FOCAD: variants seen among roughly 807,000 people sequenced by gnomAD.
The protein encoded by FOCAD is focadhesin.
FOCAD carries 198 observed loss-of-function variants against 225.6 expected under a neutral mutation model. The ratio of observed to expected loss-of-function variants is 0.88; its 90% CI spans 0.78 to 0.99. The LOEUF (loss-of-function observed/expected upper bound fraction) is 0.99, where lower values mean the gene tolerates loss of function less well. FOCAD is among the 50% of genes least tolerant of loss of function. FOCAD has a pLI of 0.00. For synonymous variants in FOCAD, 897 were observed against 755.0 expected, an observed-to-expected ratio of 1.19 and a Z score of -3.08; for missense variants, 2,713 against 2,123.6, an observed-to-expected ratio of 1.28 and a Z score of -5.46.
chr9:20,815,123 G>GGTTT lies in FOCAD; in HGVS notation c.1456-4673_1456-4672insGTTT, dbSNP rs796702774. 1.4e-3 allele frequency among the ~76,000 whole-genome samples: 116 copies of GGTTT among 85,366 alleles called. 13 individuals carry two copies. The highest frequency in any genetic ancestry group is 1.8e-3 in the African/African-American group (39 of 21,474). The allele number at this position is 85,366 out of a possible 152,430, so 56.0% of individuals were successfully genotyped here. A position where few individuals can be genotyped will look rare whatever the true frequency, so the allele number is the denominator to read the frequency against. On this transcript the variant is annotated intron_variant, in intron 11 of 43. Transcript: ENST00000338382. ...TCTGGAAATATCATTACTTCTCTTT[G>GGTTT]TTTTTTTTTTTTTGTTTTTTTTTTT...
At chr9:20,820,843 A>G (rs768423545) in intron 13 of FOCAD, 98 bp from the exon 14 acceptor site, 27 of 1,337,208 alleles carry the variant, frequency 2.0e-5, no homozygotes, top group African/African-American at 2.9e-5. Flanking sequence ...TTGCAATGCA[A>G]ATGGAGGATT....
chr9:20,720,611 T>C, intron 4 of FOCAD, 77 bp downstream of exon 4: 1 of 1,398,042 alleles, frequency 7.2e-7, no homozygotes. Context: ...CTATTAAGAG[T>C]CAGCATTCAT....
rs184093356 is a variant in FOCAD at position 20,764,563 on chromosome 9, T to A, written c.495-306T>A. 1.3e-5 allele frequency among the ~76,000 whole-genome samples: 2 copies of A among 152,280 alleles called. 1 individual carries two copies. The highest frequency in any genetic ancestry group is 3.9e-4 in the East Asian group (2 of 5,176). ...AGCCTCCGTGCCCAGCCCAGATGATTCTTGTGTTCACTAAACACTGATTTC... is the reference window on the plus strand; with the variant it reads ...AGCCTCCGTGCCCAGCCCAGATGATACTTGTGTTCACTAAACACTGATTTC... On this transcript the variant is annotated intron_variant, in intron 6 of 43. Coordinates refer to ENST00000338382, the MANE Select transcript of FOCAD (RefSeq NM_001375567.1).
intron 11 of FOCAD, among the ~76,000 whole-genome samples, chr9:20,800,052 A>G (rs908244308): frequency 2.6e-5 from 4 of 152,122 alleles, no homozygotes; most frequent in South Asian, 2.1e-4. Context: ...GGTGGTGACA[A>G]AATCTCTCAG....
At chr9:20,859,849 G>A (rs992271993) in intron 15 of FOCAD, among the ~76,000 whole-genome samples, 3 of 151,772 alleles carry the variant, frequency 2.0e-5, no homozygotes, top group Admixed American at 6.6e-5. Flanking sequence ...GGAAATGCCT[G>A]GAATAGGCAA....
intron 39 of FOCAD, among the ~76,000 whole-genome samples, chr9:20,983,656 A>G (rs949077635): frequency 7.9e-5 from 12 of 152,098 alleles, no homozygotes; most frequent in African/African-American, 2.9e-4. Flanking sequence ...ATAAGAAAAT[A>G]GTTAAGAGGA....
intron 28 of FOCAD, among the ~76,000 whole-genome samples, chr9:20,935,459 G>T (rs1017094713): frequency 1.3e-5 from 2 of 152,124 alleles, no homozygotes; most frequent in African/African-American, 4.8e-5. Flanking sequence ...GGAGTGCAAT[G>T]GTGGAATCTT....
chr9:20,760,448 A>G (rs1191964580), intron 6 of FOCAD, among the ~76,000 whole-genome samples: 2 of 152,184 alleles, frequency 1.3e-5, no homozygotes, highest in East Asian at 1.9e-4. Context: ...TCTTATCTTC[A>G]TCTCGCAGTT....
chr9:20,768,105 T>G (rs1400787382), intron 7 of FOCAD, among the ~76,000 whole-genome samples: 1 of 149,570 alleles, frequency 6.7e-6, no homozygotes, highest in East Asian at 2.0e-4. Flanking sequence ...TTGCTTGTTT[T>G]TCTCAGGTTT....
At chr9:20,812,788 C>T (rs560228653) in intron 11 of FOCAD, among the ~76,000 whole-genome samples, 228 of 152,074 alleles carry the variant, frequency 1.5e-3, no homozygotes, top group South Asian at 2.9e-3. Context: ...GTTTAATCTT[C>T]GGTAAAATAA....
chr9:20,720,353 G>A, intron 3 of FOCAD, 27 bp from the exon 4 acceptor site: 1 of 1,611,086 alleles, frequency 6.2e-7, no homozygotes, highest in East Asian at 2.2e-5. Flanking sequence ...CATCAGAATT[G>A]TCTTCTAATC....
chr9:20,900,150 T>C (rs77535809), intron 21 of FOCAD, among the ~76,000 whole-genome samples: 37 of 152,090 alleles, frequency 2.4e-4, no homozygotes, highest in African/African-American at 8.4e-4. Flanking sequence ...CCTTGGCATT[T>C]CTAACTCTGA....
In FOCAD at chr9:20,892,596, C is replaced by T. The variant is rs10811424; in HGVS notation, c.2625+7366C>T. On this transcript the variant is annotated intron_variant, in intron 21 of 43. Transcript: ENST00000338382. Reference sequence around the variant, plus strand: ...CCTGAGGATGTGACTGAACTGCTACCGTCATGAGGAGTTGCTTCTTAGGGA... The same window carrying T: ...CCTGAGGATGTGACTGAACTGCTACTGTCATGAGGAGTTGCTTCTTAGGGA... Among the ~76,000 whole-genome samples the T allele has an allele frequency of 7.2e-5, 11 of 151,870 alleles. No homozygotes were observed. The South Asian group carries it at 8.3e-4, about 11-fold the overall frequency.
chr9:20,713,555 T>A (rs1825048799), intron 1 of FOCAD, among the ~76,000 whole-genome samples: 1 of 152,206 alleles, frequency 6.6e-6, no homozygotes, highest in South Asian at 2.1e-4. Context: ...CTAACATATT[T>A]TATGTATTAT....
intron 18 of FOCAD, among the ~76,000 whole-genome samples, chr9:20,870,493 T>A (rs763972235): frequency 2.6e-5 from 4 of 152,230 alleles, no homozygotes; most frequent in Non-Finnish European, 5.9e-5. Context: ...ATGGTTGGAC[T>A]TAACGATTTT....
At chr9:20,676,667 T>C (rs1328893649) in intron 2 of FOCAD, among the ~76,000 whole-genome samples, 1 of 152,138 alleles carries the variant, frequency 6.6e-6, no homozygotes, top group Non-Finnish European at 1.5e-5. Flanking sequence ...AAAATCAAAC[T>C]AAAGTTCCAA....
At chr9:20,885,024 A>T (rs1245489337) in intron 20 of FOCAD, 85 bp from the exon 21 acceptor site, 2 of 802,312 alleles carry the variant, frequency 2.5e-6, no homozygotes, top group South Asian at 9.9e-5. Flanking sequence ...GCACCACTGC[A>T]CTCCAGCCTG....
intron 22 of FOCAD, among the ~76,000 whole-genome samples, chr9:20,909,618 C>T (rs898246213): frequency 4.6e-5 from 7 of 151,852 alleles, no homozygotes; most frequent in African/African-American, 1.7e-4. Flanking sequence ...AGTCCAGTTC[C>T]ATTGAGAATT....
At chr9:20,779,373 A>T (rs1819122448) in intron 9 of FOCAD, among the ~76,000 whole-genome samples, 1 of 151,808 alleles carries the variant, frequency 6.6e-6, no homozygotes, top group African/African-American at 2.4e-5. Flanking sequence ...GATCCAAAAT[A>T]ATCCACATAA....
Sources: allele counts gnomAD v4.1 joint callset (sites outside exome capture counted in the v4.1 genomes callset), GRCh38; gene constraint gnomAD v4.1.1; transcripts MANE v1.5; gene names NCBI Gene and HGNC (gene_info 2026-07-23, HGNC 2026-07-21).